The following CCDC3 variants were observed in gnomAD, a reference collection of about 807,000 sequenced individuals.
The protein encoded by CCDC3 is coiled-coil domain containing 3.
In CCDC3, 24 loss-of-function variants were observed where a neutral mutation model predicts 21.4. That is an observed-to-expected ratio of 1.12 (90% CI 0.81 to 1.58). CCDC3 has a LOEUF of 1.58. Among genes scored for constraint, CCDC3 ranks in the 40% most tolerant of loss-of-function variants. The pLI is 0.00. For synonymous variants in CCDC3, 186 were observed against 166.0 expected, an observed-to-expected ratio of 1.12 and a Z score of -0.93; for missense variants, 425 against 360.9, an observed-to-expected ratio of 1.18 and a Z score of -1.44.
intron 4 of CCDC3, among the ~76,000 whole-genome samples, chr10:13,059,422 T>C (rs1004000826): frequency 6.6e-6 from 1 of 152,154 alleles, no homozygotes; most frequent in African/African-American, 2.4e-5. Context: ...CAATATTGAG[T>C]GAACATCTTG....
chr10:12,933,910 T>C (rs1834693541), intron 2 of CCDC3, among the ~76,000 whole-genome samples: 1 of 152,152 alleles, frequency 6.6e-6, no homozygotes, highest in Admixed American at 6.5e-5. Context: ...ATCAGCTCTT[T>C]TGATTATTTT....
At chr10:12,971,316 C>G (rs562687222) in intron 2 of CCDC3, among the ~76,000 whole-genome samples, 1 of 152,320 alleles carries the variant, frequency 6.6e-6, no homozygotes, top group African/African-American at 2.4e-5. Flanking sequence ...TCTATCCTTT[C>G]GGAAAGGAAT....
intron 5 of CCDC3, among the ~76,000 whole-genome samples, chr10:13,036,305 G>T (rs1368444405): frequency 6.6e-6 from 1 of 151,962 alleles, no homozygotes; most frequent in Non-Finnish European, 1.5e-5. Context: ...AATTTAACAG[G>T]TTTTTCAAAG....
At chr10:13,092,195 T>C (rs1832580327) in intron 3 of CCDC3, among the ~76,000 whole-genome samples, 1 of 152,118 alleles carries the variant, frequency 6.6e-6, no homozygotes. Flanking sequence ...AATTCGTGAG[T>C]ATGGGAACCA....
intron 5 of CCDC3, among the ~76,000 whole-genome samples, chr10:13,046,548 CA>C (rs35499841): frequency 0.88 from 132,948 of 151,198 alleles, 58,636 homozygotes; most frequent in South Asian, 0.92. Context: ...ACTAAAAATA[CA>C]AAAAAAAATT....
At chr10:13,053,128 G>A (rs1836634624) in intron 4 of CCDC3, among the ~76,000 whole-genome samples, 1 of 152,058 alleles carries the variant, frequency 6.6e-6, no homozygotes, top group African/African-American at 2.4e-5. Context: ...CAACCTCAGA[G>A]GAATAAGAAA....
intron 2 of CCDC3, among the ~76,000 whole-genome samples, chr10:12,985,397 C>A (rs1835572012): frequency 6.6e-6 from 1 of 152,226 alleles, no homozygotes; most frequent in Admixed American, 6.5e-5. Flanking sequence ...AATAGACTTA[C>A]CATACAACCC....
intron 2 of CCDC3, among the ~76,000 whole-genome samples, chr10:12,905,651 G>C (rs1227221927): frequency 1.3e-5 from 2 of 152,172 alleles, no homozygotes; most frequent in Admixed American, 1.3e-4. Flanking sequence ...AGGTCCTATT[G>C]ACTCCATCTC....
intron 2 of CCDC3, among the ~76,000 whole-genome samples, chr10:12,974,596 G>C (rs949052849): frequency 6.6e-6 from 1 of 152,252 alleles, no homozygotes; most frequent in African/African-American, 2.4e-5. Flanking sequence ...CTGGGAAGCA[G>C]AGGTGTGGAG....
At chr10:12,899,590 A>C (rs1834062510) in intron 2 of CCDC3, among the ~76,000 whole-genome samples, 2 of 152,232 alleles carry the variant, frequency 1.3e-5, no homozygotes, top group Admixed American at 1.3e-4. Context: ...GTAAATCTAC[A>C]CAATGCAAAG....
At chr10:12,978,806 AC>A (rs1449455682) in intron 2 of CCDC3, among the ~76,000 whole-genome samples, 1 of 152,160 alleles carries the variant, frequency 6.6e-6, no homozygotes, top group African/African-American at 2.4e-5. Flanking sequence ...TTTAGAAAGG[AC>A]CTAACAAGTT....
intron 5 of CCDC3, among the ~76,000 whole-genome samples, chr10:13,040,000 G>A (rs1171640865): frequency 6.6e-6 from 1 of 151,898 alleles, no homozygotes; most frequent in African/African-American, 2.4e-5. Flanking sequence ...CATCCTCCCA[G>A]CTTGATAGTC....
chr10:13,026,969 TC>T lies in CCDC3; in HGVS notation c.-2+22704del, dbSNP rs564923221. On this transcript the variant is annotated intron_variant, in intron 5 of 6. Transcript: ENST00000378839. ...ATTTTACCAGATCTGAAATTTCCTTTCCTTTCACATATCTTCATAAGCAATT... is the reference window on the plus strand; with the variant it reads ...ATTTTACCAGATCTGAAATTTCCTTTCTTTCACATATCTTCATAAGCAATT... Among the ~76,000 whole-genome samples the T allele has an allele frequency of 3.6e-3, 544 of 152,322 alleles. 4 individuals carry two copies. The highest frequency in any genetic ancestry group is 0.012 in the African/African-American group (506 of 41,572).
chr10:13,006,271 G>A (rs1411184734), upstream of CCDC3, among the ~76,000 whole-genome samples: 1 of 152,212 alleles, frequency 6.6e-6, no homozygotes, highest in Non-Finnish European at 1.5e-5. Context: ...GGCAATCCTT[G>A]CAAATCAGTG....
intron 2 of CCDC3, among the ~76,000 whole-genome samples, chr10:12,950,454 A>T (rs1834990707): frequency 6.6e-6 from 1 of 152,154 alleles, no homozygotes; most frequent in African/African-American, 2.4e-5. Context: ...AAAAAGCAAC[A>T]ATCTAAAGAA....
At chr10:12,969,984 C>A (rs1313786495) in intron 2 of CCDC3, among the ~76,000 whole-genome samples, 2 of 152,042 alleles carry the variant, frequency 1.3e-5, no homozygotes, top group African/African-American at 4.8e-5. Context: ...TTAATGAAGC[C>A]ATTTTAATTT....
intron 2 of CCDC3, among the ~76,000 whole-genome samples, chr10:12,925,733 C>A (rs1327832699): frequency 6.6e-6 from 1 of 152,216 alleles, no homozygotes; most frequent in Non-Finnish European, 1.5e-5. Flanking sequence ...GTCCTCCGTC[C>A]CCATGTAGTC....
At chr10:13,025,750 T>C (rs1384700797) in intron 5 of CCDC3, among the ~76,000 whole-genome samples, 3 of 152,198 alleles carry the variant, frequency 2.0e-5, no homozygotes, top group Non-Finnish European at 4.4e-5. Context: ...TTTTGTAACT[T>C]GAGTCTCACT....
chr10:13,010,239 C>T (rs913797124), intron 5 of CCDC3, among the ~76,000 whole-genome samples: 2 of 150,754 alleles, frequency 1.3e-5, no homozygotes, highest in Admixed American at 6.6e-5. Flanking sequence ...CAGAGCAAGA[C>T]TCCATTTCAA....
Sources: gnomAD v4.1 joint callset for allele counts (sites outside exome capture counted in the v4.1 genomes callset) on GRCh38, gnomAD v4.1.1 for gene constraint, MANE v1.5 for transcripts, NCBI Gene and HGNC (gene_info 2026-07-23, HGNC 2026-07-21) for gene names.